Variants in RGS6 observed in about 807,000 individuals in gnomAD.
RGS6 encodes the protein regulator of G-protein signaling 6.
Under a neutral mutation model 78.5 loss-of-function variants are expected in RGS6, and 30 were observed. That is an observed-to-expected ratio of 0.38 (90% confidence interval 0.29 to 0.52). RGS6 has a LOEUF of 0.52. Among genes scored for constraint, RGS6 ranks in the 20% least tolerant of loss-of-function variants. RGS6 has a pLI of 0.85. For synonymous variants in RGS6, 206 were observed against 206.0 expected, an observed-to-expected ratio of 1.00 and a Z score of 0.00; for missense variants, 495 against 609.7, an observed-to-expected ratio of 0.81 and a Z score of 1.98.
chr14:72,058,395 G>A (rs1006387176), intron 2 of RGS6, among the ~76,000 whole-genome samples: 3 of 151,944 alleles, frequency 2.0e-5, no homozygotes, highest in East Asian at 1.9e-4. Context: ...GTCATAAAAC[G>A]ATGACAGAAC....
At chr14:72,610,819 G>C in the RGS6 span, among the ~76,000 whole-genome samples, 1 of 152,218 alleles carries the variant, frequency 6.6e-6, no homozygotes, top group Non-Finnish European at 1.5e-5. Context: ...ACCACTGGCT[G>C]CCTGGGGGAA....
intron 15 of RGS6, among the ~76,000 whole-genome samples, chr14:72,531,159 G>A (rs763519292): frequency 1.8e-4 from 27 of 152,196 alleles, no homozygotes; most frequent in Non-Finnish European, 2.9e-4. Context: ...GAGGCTGGGC[G>A]CGGTGGCTCA....
rs79768580 is a variant in RGS6, at chr14:72,231,769, C to T, written c.85-120326C>T. Among the ~76,000 whole-genome samples the T allele has an allele frequency of 5.1e-3, 768 of 151,408 alleles. 4 individuals are homozygous for T. Among genetic ancestry groups the T allele is most frequent in the African/African-American group, 0.018 (747 of 41,222 alleles). On this transcript the variant is annotated intron_variant, in intron 2 of 17. Coordinates refer to ENST00000553525, the MANE Select transcript of RGS6 (RefSeq NM_001204424.2). Reference sequence around the variant, plus strand: ...ATGAATATATAGGGAAGAGCGTGTTCGAGAGAAAGAACATGGTGTGTGCAA... The same window carrying T: ...ATGAATATATAGGGAAGAGCGTGTTTGAGAGAAAGAACATGGTGTGTGCAA...
intron 2 of RGS6, among the ~76,000 whole-genome samples, chr14:72,315,870 G>A (rs2070026422): frequency 6.6e-6 from 1 of 152,200 alleles, no homozygotes; most frequent in Admixed American, 6.5e-5. Flanking sequence ...GGCAGACTCA[G>A]CAGATTGGCC....
intron 2 of RGS6, among the ~76,000 whole-genome samples, chr14:71,973,817 C>G (rs2153085499): frequency 6.6e-6 from 1 of 152,168 alleles, no homozygotes; most frequent in African/African-American, 2.4e-5. Context: ...TCCTTTTCCC[C>G]CAGGATTAGA....
chr14:72,222,846 A>T (rs2047194555), intron 2 of RGS6, among the ~76,000 whole-genome samples: 1 of 152,236 alleles, frequency 6.6e-6, no homozygotes, highest in South Asian at 2.1e-4. Flanking sequence ...TGAGCAAATC[A>T]CTTCAATTGA....
intron 2 of RGS6, among the ~76,000 whole-genome samples, chr14:72,012,069 A>G (rs1185112563): frequency 1.3e-5 from 2 of 152,264 alleles, no homozygotes. Flanking sequence ...CCAAAAAGAT[A>G]TGAAAACCAA....
chr14:72,499,878 C>A (rs1312018533), intron 13 of RGS6, among the ~76,000 whole-genome samples: 2 of 152,146 alleles, frequency 1.3e-5, no homozygotes, highest in East Asian at 3.9e-4. Flanking sequence ...ATCACATCCT[C>A]CTCCTGGTTC....
chr14:72,244,861 A>G (rs747796807), intron 2 of RGS6, among the ~76,000 whole-genome samples: 14 of 150,578 alleles, frequency 9.3e-5, no homozygotes, highest in East Asian at 3.9e-4. Flanking sequence ...GTCTCACTCT[A>G]TTGCCTAGGC....
intron 2 of RGS6, among the ~76,000 whole-genome samples, chr14:72,223,328 T>C (rs777732086): frequency 7.9e-5 from 12 of 152,198 alleles, no homozygotes; most frequent in Non-Finnish European, 1.5e-4. Context: ...TAAAACCAAA[T>C]GGCGACGTAG....
chr14:72,619,193 T>TGCAGTTG, the RGS6 span: 1 of 1,157,112 alleles, frequency 8.6e-7, no homozygotes, highest in Non-Finnish European at 1.2e-6. Context: ...TTCTTTTCCT[T>TGCAGTTG]GCAGTTGGTC....
At chr14:71,929,350 C>A (rs1461580612), upstream of RGS6, among the ~76,000 whole-genome samples, 1 of 152,118 alleles carries the variant, frequency 6.6e-6, no homozygotes, top group Non-Finnish European at 1.5e-5. Flanking sequence ...AGAATACAGG[C>A]CAGTTATTTG....
intron 2 of RGS6, among the ~76,000 whole-genome samples, chr14:72,127,562 A>G (rs2096227624): frequency 6.6e-6 from 1 of 152,210 alleles, no homozygotes; most frequent in Non-Finnish European, 1.5e-5. Flanking sequence ...GTATTCACAT[A>G]AAGTTTCAGT....
At chr14:72,199,360 A>G (rs1250782460) in intron 2 of RGS6, among the ~76,000 whole-genome samples, 1 of 152,232 alleles carries the variant, frequency 6.6e-6, no homozygotes, top group African/African-American at 2.4e-5. Flanking sequence ...AAGAGTTGTA[A>G]GCAAAAGCAC....
Position 72,122,739 on chromosome 14 carries a change from C to CG in RGS6, c.84+157865dup, listed in dbSNP as rs139518850. 3.7e-3 allele frequency among the ~76,000 whole-genome samples: 469 copies of CG among 125,276 alleles called. 1 individual carries two copies. Among genetic ancestry groups the CG allele is most frequent in the African/African-American group, 9.6e-3 (299 of 31,012 alleles). 82.2% of individuals were successfully genotyped at this position (125,276 alleles called of 152,430 possible). On this transcript the variant is annotated intron_variant, in intron 2 of 17. Coordinates refer to ENST00000553525, the MANE Select transcript of RGS6 (RefSeq NM_001204424.2). ...GCCAGCACTCTGGGTTCTAAGTTAT[C>CG]GTTTTTTTTTTTTTTTTCCATTCTA...
intron 3 of RGS6, among the ~76,000 whole-genome samples, chr14:72,387,410 A>G (rs554226408): frequency 2.6e-5 from 4 of 152,002 alleles, no homozygotes; most frequent in Admixed American, 2.0e-4. Flanking sequence ...TTAGCCAGGT[A>G]TGGTGGCGGG....
chr14:72,362,132 A>C (rs975111988), intron 3 of RGS6, among the ~76,000 whole-genome samples: 3 of 152,316 alleles, frequency 2.0e-5, no homozygotes, highest in African/African-American at 7.2e-5. Flanking sequence ...GCTCTAGAGT[A>C]GTCACAGACG....
the RGS6 span, among the ~76,000 whole-genome samples, chr14:71,924,129 T>TA: frequency 6.6e-6 from 1 of 152,018 alleles, no homozygotes; most frequent in Non-Finnish European, 1.5e-5. Context: ...ACTGGAGCCT[T>TA]AGCCTCCTGG....
chr14:71,867,983 T>C, the RGS6 span, among the ~76,000 whole-genome samples: 1 of 152,180 alleles, frequency 6.6e-6, no homozygotes, highest in Non-Finnish European at 1.5e-5. Flanking sequence ...CTCACATCCA[T>C]GAGGCCTGTT....
Sources: allele counts gnomAD v4.1 joint callset (sites outside exome capture counted in the v4.1 genomes callset), GRCh38; gene constraint gnomAD v4.1.1; transcripts MANE v1.5; gene names NCBI Gene and HGNC (gene_info 2026-07-23, HGNC 2026-07-21).